Variants in RBM39 observed in about 807,000 individuals in gnomAD.
RBM39 encodes the protein RNA binding motif protein 39, also known as RNA-binding protein 39.
A neutral mutation model predicts 79.6 loss-of-function variants in RBM39; 12 were observed. That is an observed-to-expected ratio of 0.15 (90% CI 0.10 to 0.24). The LOEUF is 0.24. RBM39 is among the 10% of genes least tolerant of loss of function. The pLI, the probability that RBM39 is intolerant of heterozygous loss-of-function variation, is 1.00. For missense variants in RBM39, 243 were observed against 653.4 expected (o/e 0.37, Z 6.85); for synonymous variants, 185 against 208.4 (o/e 0.89, Z 0.97).
chr20:35,727,578 T>C (rs775855447), intron 6 of RBM39, among the ~76,000 whole-genome samples: 3 of 151,312 alleles, frequency 2.0e-5, no homozygotes, highest in Non-Finnish European at 2.9e-5. Flanking sequence ...TGGGTTCAAG[T>C]GATTCTCTTG....
chr20:35,721,489 A>G (rs1180744586), intron 9 of RBM39, among the ~76,000 whole-genome samples: 1 of 152,180 alleles, frequency 6.6e-6, no homozygotes, highest in Non-Finnish European at 1.5e-5. Context: ...ATGCCCAGCC[A>G]ATGTGGACTT....
intron 9 of RBM39, among the ~76,000 whole-genome samples, chr20:35,717,473 G>A (rs1179376213): frequency 6.6e-6 from 1 of 151,944 alleles, no homozygotes; most frequent in Non-Finnish European, 1.5e-5. Context: ...CAAAATCAAC[G>A]TTTCCTTCCC....
At chr20:35,734,251 A>G (rs2039678889) in intron 3 of RBM39, 1 of 1,303,274 alleles carries the variant, frequency 7.7e-7, no homozygotes, top group South Asian at 1.2e-5. Context: ...GGAGGCAGAA[A>G]GTTTGTCTAA....
In RBM39 at chr20:35,704,317, C is replaced by T; in HGVS notation, c.*164G>A. On this transcript the variant is annotated 3_prime_UTR_variant, in exon 17 of 17. Coordinates refer to ENST00000253363, the MANE Select transcript of RBM39 (RefSeq NM_184234.3). ...GGATTTACTATTTAGGGAGAATGAGCACACTGCATTCCTGTTAACATTTTT... is the reference window on the plus strand; with the variant it reads ...GGATTTACTATTTAGGGAGAATGAGTACACTGCATTCCTGTTAACATTTTT... 1.8e-6 allele frequency: 1 copy of T among 542,996 alleles called. No homozygotes were observed. Among genetic ancestry groups the T allele is most frequent in the Non-Finnish European group, 3.2e-6 (1 of 308,132 alleles). 33.6% of individuals were successfully genotyped at this position (542,996 alleles called of 1,614,324 possible).
At position 35,714,472 on chromosome 20, in the gene RBM39, T is replaced by C; in HGVS notation, c.892-83A>G. ...TATACTTAAAAATATATTTATATTTTTAGCATATTCAATAATTACTTCTGA... is the reference window on the plus strand; with the variant it reads ...TATACTTAAAAATATATTTATATTTCTAGCATATTCAATAATTACTTCTGA... On this transcript the variant is annotated intron_variant, in intron 10 of 16. Transcript: ENST00000253363. The C allele has an allele frequency of 1.4e-6, 2 of 1,424,826 alleles. 1 individual carries two copies. The highest frequency in any genetic ancestry group is 3.3e-5 in the South Asian group (2 of 60,750). The allele number at this position is 1,424,826 out of a possible 1,614,324, so 88.3% of individuals were successfully genotyped here.
chr20:35,718,835 A>AAT (rs1330332352), intron 9 of RBM39, among the ~76,000 whole-genome samples: 18 of 150,450 alleles, frequency 1.2e-4, no homozygotes, highest in Admixed American at 5.3e-4. Flanking sequence ...AAAAAAAAAA[A>AAT]AGCCAGGCAT....
Position 35,702,328 on chromosome 20 carries a change from A to C in RBM39, c.*2153T>G, listed in dbSNP as rs1210867386. The C allele has an allele frequency of 6.6e-6, 1 of 152,236 alleles. No homozygotes were observed. Among genetic ancestry groups the C allele is most frequent in the African/African-American group, 2.4e-5 (1 of 41,460 alleles). 9.4% of individuals were successfully genotyped at this position (152,236 alleles called of 1,614,324 possible). On this transcript the variant is annotated 3_prime_UTR_variant, in exon 17 of 17. Coordinates refer to ENST00000253363, the MANE Select transcript of RBM39 (RefSeq NM_184234.3). The stretch of plus-strand genomic sequence containing the variant: ...GCTGACTCAGGAACTGATTGGACAT[A>C]AACAGTTTCACTCAGAATGAGCTGT...
chr20:35,732,940 C>T (rs190865363), intron 3 of RBM39: 3 of 152,264 alleles, frequency 2.0e-5, no homozygotes, highest in Admixed American at 1.3e-4. Context: ...ATATTTAACA[C>T]GTTCAAAGGG....
At position 35,704,772 on chromosome 20, in the gene RBM39, A is replaced by T. The variant is rs773246163; in HGVS notation, c.1414-26T>A. The T allele has an allele frequency of 1.4e-5, 23 of 1,603,256 alleles. No homozygotes were observed. The South Asian group carries it at 2.6e-4, about 18-fold the overall frequency. On this transcript the variant is annotated intron_variant, in intron 15 of 16. Transcript: ENST00000253363. ...CTACAGAAAAAATGAAAAAAAAGGT[A>T]AAGATGTTGCTGTATGCAAAATGGA...
intron 6 of RBM39, among the ~76,000 whole-genome samples, chr20:35,727,043 T>C (rs2038793623): frequency 6.6e-6 from 1 of 152,062 alleles, no homozygotes; most frequent in South Asian, 2.1e-4. Flanking sequence ...GTCAGGCTGG[T>C]CTCGATATCC....
rs146969520 is a variant in RBM39 at position 35,727,307 on chromosome 20, G to A, written c.416+2005C>T. On this transcript the variant is annotated intron_variant, in intron 6 of 16. Transcript: ENST00000253363. ...AGAAACTGCAGTGAGACATGATTGC[G>A]TCACTGCACTATAGCCTGGGTGACA... 8.0e-4 allele frequency among the ~76,000 whole-genome samples: 121 copies of A among 150,986 alleles called. 1 individual carries two copies. The East Asian group carries it at 0.016, about 20-fold the overall frequency.
At position 35,714,119 on chromosome 20, in the gene RBM39, A is replaced by C. The variant is rs56322071; in HGVS notation, c.1096+66T>G. On this transcript the variant is annotated intron_variant, in intron 11 of 16. Coordinates refer to ENST00000253363, the MANE Select transcript of RBM39 (RefSeq NM_184234.3). ...AATCTTTTTCCCTTTCTTAGTTTAC[A>C]TGGCTACCTTTCTTTTCCACTACAA... The C allele has an allele frequency of 6.0e-3, 9,063 of 1,500,354 alleles. 270 individuals carry two copies. The African/African-American group carries it at 0.081, about 13-fold the overall frequency. 92.9% of individuals were successfully genotyped at this position (1,500,354 alleles called of 1,614,324 possible).
chr20:35,712,435 CAAAAAAAAAAAAAA>C (rs765974114), intron 12 of RBM39, among the ~76,000 whole-genome samples: 830 of 32,816 alleles, frequency 0.025, 9 homozygotes, highest in East Asian at 0.15. Context: ...TACTGTTATC[CAAAAAAAAAAAAAA>C]AAAAAAAAAA....
intron 9 of RBM39, among the ~76,000 whole-genome samples, chr20:35,717,839 ACT>A (rs1313570815): frequency 2.0e-5 from 3 of 151,360 alleles, no homozygotes; most frequent in Admixed American, 6.6e-5. Context: ...ACAGAGGGAG[ACT>A]CTGTCTCAAA....
At position 35,740,385 on chromosome 20, in the gene RBM39, G is replaced by T. The variant is rs192217412; in HGVS notation, c.51+439C>A. 41 of 389,532 alleles carry T rather than the reference G, an allele frequency of 1.1e-4. 1 individual carries two copies. The Admixed American group carries it at 1.6e-3, about 15-fold the overall frequency. 24.1% of individuals were successfully genotyped at this position (389,532 alleles called of 1,614,324 possible). A position where few individuals can be genotyped will look rare whatever the true frequency, so the allele number is the denominator to read the frequency against. On this transcript the variant is annotated intron_variant, in intron 2 of 16. Coordinates refer to ENST00000253363, the MANE Select transcript of RBM39 (RefSeq NM_184234.3). ...ATTTAACTTGCCACAGACTGGTCAT[G>T]CTTTGTTATTCTTGGACCCCTGCTT...
intron 3 of RBM39, among the ~76,000 whole-genome samples, chr20:35,737,252 C>T (rs73618519): frequency 6.6e-6 from 1 of 151,430 alleles, no homozygotes; most frequent in Admixed American, 6.6e-5. Context: ...TAGCCAGGTG[C>T]GGTGGCAGGC....
chr20:35,708,910 T>C (rs1473902486), intron 13 of RBM39: 1 of 227,766 alleles, frequency 4.4e-6, no homozygotes, highest in Non-Finnish European at 8.7e-6. Flanking sequence ...AATACTTCAT[T>C]TCCTGACTTC....
intron 6 of RBM39, among the ~76,000 whole-genome samples, chr20:35,727,815 A>T (rs2038921220): frequency 6.6e-6 from 1 of 151,928 alleles, no homozygotes; most frequent in Admixed American, 6.6e-5. Flanking sequence ...ACGCCCAGCT[A>T]ATTTTTTGTA....
intron 6 of RBM39, among the ~76,000 whole-genome samples, chr20:35,727,393 G>A (rs1311322747): frequency 2.1e-5 from 3 of 144,230 alleles, no homozygotes; most frequent in African/African-American, 5.4e-5. Flanking sequence ...CTTTCTAGCC[G>A]GGGGTCTCAA....
Sources: allele counts gnomAD v4.1 joint callset (sites outside exome capture counted in the v4.1 genomes callset), GRCh38; gene constraint gnomAD v4.1.1; transcripts MANE v1.5; gene names NCBI Gene and HGNC (gene_info 2026-07-23, HGNC 2026-07-21).